CSTPP1: variants seen among roughly 807,000 people sequenced by gnomAD.
CSTPP1 encodes the protein UPF0705 protein C11orf49.
At chr11:47,159,018 C>T in the CSTPP1 span, among the ~76,000 whole-genome samples, 1 of 152,192 alleles carries the variant, frequency 6.6e-6, no homozygotes, top group Non-Finnish European at 1.5e-5. Context: ...GTGCTGGATG[C>T]TTTATATTTT....
At chr11:46,973,934 TG>T in the CSTPP1 span, among the ~76,000 whole-genome samples, 1 of 152,136 alleles carries the variant, frequency 6.6e-6, no homozygotes, top group African/African-American at 2.4e-5. Flanking sequence ...GAAACGTACT[TG>T]CAGTTTTGGC....
the CSTPP1 span, chr11:46,987,446 T>C: frequency 4.1e-6 from 3 of 727,890 alleles, no homozygotes; most frequent in Non-Finnish European, 2.4e-6. Flanking sequence ...AGGTTGGTTG[T>C]GGGCCGCCCA....
chr11:47,122,799 G>A, the CSTPP1 span, among the ~76,000 whole-genome samples: 5 of 151,922 alleles, frequency 3.3e-5, no homozygotes, highest in Non-Finnish European at 5.9e-5. Flanking sequence ...GGCTGGTCTC[G>A]AACTCCTGAC....
chr11:46,997,526 TG>T, the CSTPP1 span, among the ~76,000 whole-genome samples: 1 of 152,218 alleles, frequency 6.6e-6, no homozygotes, highest in African/African-American at 2.4e-5. Context: ...CGGAGAAGTT[TG>T]TTATTACCTA....
At chr11:47,053,925 C>T in the CSTPP1 span, among the ~76,000 whole-genome samples, 1 of 151,546 alleles carries the variant, frequency 6.6e-6, no homozygotes, top group Admixed American at 6.6e-5. Context: ...GCCTAGGTGA[C>T]AGCGAGATCC....
chr11:46,978,145 A>G, the CSTPP1 span, among the ~76,000 whole-genome samples: 7 of 152,246 alleles, frequency 4.6e-5, no homozygotes, highest in Non-Finnish European at 1.0e-4. Flanking sequence ...CTGAGTGTTA[A>G]AGGAAATAAA....
At chr11:47,151,710 C>T in the CSTPP1 span, among the ~76,000 whole-genome samples, 3 of 151,274 alleles carry the variant, frequency 2.0e-5, no homozygotes, top group Non-Finnish European at 4.4e-5. Flanking sequence ...AAAAGGTAGC[C>T]AGTCTTACTT....
the CSTPP1 span, among the ~76,000 whole-genome samples, chr11:46,939,254 C>T: frequency 1.3e-5 from 2 of 151,696 alleles, no homozygotes; most frequent in African/African-American, 2.4e-5. Flanking sequence ...CCACGCCTGG[C>T]TAATTTTGTA....
the CSTPP1 span, among the ~76,000 whole-genome samples, chr11:46,946,128 C>T: frequency 3.9e-4 from 60 of 152,296 alleles, no homozygotes; most frequent in South Asian, 0.012. Context: ...GTTCCCAACC[C>T]TTGCCTACCT....
the CSTPP1 span, among the ~76,000 whole-genome samples, chr11:47,004,116 T>C: frequency 6.6e-5 from 10 of 152,072 alleles, no homozygotes; most frequent in Admixed American, 1.3e-4. Context: ...TGAGGACTTT[T>C]TAGTCTCTCT....
the CSTPP1 span, among the ~76,000 whole-genome samples, chr11:47,040,354 A>C: frequency 6.4e-4 from 81 of 127,388 alleles, 4 homozygotes; most frequent in African/African-American, 1.9e-3. Context: ...TCATTTTATG[A>C]AGAGCAAGAG....
the CSTPP1 span, among the ~76,000 whole-genome samples, chr11:46,968,758 G>A: frequency 6.6e-6 from 1 of 151,906 alleles, no homozygotes; most frequent in Non-Finnish European, 1.5e-5. Context: ...AATTAGCCGG[G>A]TGTGATGGTG....
chr11:47,127,280 G>A, the CSTPP1 span, among the ~76,000 whole-genome samples: 1 of 152,166 alleles, frequency 6.6e-6, no homozygotes, highest in Non-Finnish European at 1.5e-5. Flanking sequence ...AAATTCTTAT[G>A]GGGATCAAAA....
the CSTPP1 span, among the ~76,000 whole-genome samples, chr11:47,156,611 T>A: frequency 6.6e-6 from 1 of 152,188 alleles, no homozygotes; most frequent in Non-Finnish European, 1.5e-5. Context: ...GGCCTTAATA[T>A]GTGCCAAGCA....
chr11:47,044,779 T>G, the CSTPP1 span, among the ~76,000 whole-genome samples: 8 of 152,070 alleles, frequency 5.3e-5, no homozygotes, highest in African/African-American at 1.9e-4. Flanking sequence ...CATGGTTGTG[T>G]GCACCTGTAG....
chr11:47,072,425 G>A, the CSTPP1 span, among the ~76,000 whole-genome samples: 9 of 152,244 alleles, frequency 5.9e-5, no homozygotes, highest in Admixed American at 2.6e-4. Context: ...ATTATATAAC[G>A]TAGGCTTTAC....
chr11:47,068,405 G>A, the CSTPP1 span, among the ~76,000 whole-genome samples: 7 of 152,078 alleles, frequency 4.6e-5, no homozygotes, highest in Admixed American at 2.0e-4. Flanking sequence ...GGTGGCGCGC[G>A]CCTGTAATTG....
At chr11:47,091,356 A>C in the CSTPP1 span, among the ~76,000 whole-genome samples, 2 of 151,816 alleles carry the variant, frequency 1.3e-5, no homozygotes, top group African/African-American at 2.4e-5. Context: ...CCTGGGTGAC[A>C]GAGCGAGACT....
chr11:47,127,921 G>T, the CSTPP1 span, among the ~76,000 whole-genome samples: 2 of 151,460 alleles, frequency 1.3e-5, no homozygotes, highest in African/African-American at 4.9e-5. Context: ...ATGTTGCCCA[G>T]ACTGGAGTGC....
Sources: allele counts gnomAD v4.1 joint callset (sites outside exome capture counted in the v4.1 genomes callset), GRCh38; gene constraint gnomAD v4.1.1; transcripts MANE v1.5; gene names NCBI Gene and HGNC (gene_info 2026-07-23, HGNC 2026-07-21).